ADAMTSL1: variants seen among roughly 807,000 people sequenced by gnomAD.
ADAMTSL1 encodes the protein ADAMTS-like protein 1.
Under a neutral mutation model 201.8 loss-of-function variants are expected in ADAMTSL1, and 126 were observed. The observed-to-expected ratio is 0.62, with a 90% CI of 0.54 to 0.72. The LOEUF is 0.72. ADAMTSL1 is among the 30% of genes least tolerant of loss of function. ADAMTSL1 has a pLI of 0.00. For synonymous variants in ADAMTSL1, 1,121 were observed against 903.4 expected, an observed-to-expected ratio of 1.24 and a Z score of -4.32; for missense variants, 2,679 against 2,277.8, an observed-to-expected ratio of 1.18 and a Z score of -3.59.
At chr9:18,606,752 C>G (rs1391392687) in intron 4 of ADAMTSL1, among the ~76,000 whole-genome samples, 1 of 152,170 alleles carries the variant, frequency 6.6e-6, no homozygotes, top group Non-Finnish European at 1.5e-5. Context: ...TTCATAAACA[C>G]CACAATTCCT....
At chr9:18,190,712 T>C (rs530728463) in intron 2 of ADAMTSL1, among the ~76,000 whole-genome samples, 1 of 152,342 alleles carries the variant, frequency 6.6e-6, no homozygotes, top group South Asian at 2.1e-4. Flanking sequence ...TATTGCATAT[T>C]AATTTTTAAG....
intron 1 of ADAMTSL1, among the ~76,000 whole-genome samples, chr9:18,103,631 A>T (rs142257128): frequency 2.6e-4 from 39 of 152,348 alleles, no homozygotes; most frequent in African/African-American, 9.1e-4. Flanking sequence ...CTTACTAGCT[A>T]TAAAGTATCT....
intron 15 of ADAMTSL1, among the ~76,000 whole-genome samples, chr9:18,750,130 C>T (rs868630712): frequency 1.2e-4 from 19 of 152,176 alleles, no homozygotes; most frequent in African/African-American, 4.1e-4. Context: ...TAGTATTTCC[C>T]TTGAGTGGAA....
intron 2 of ADAMTSL1, among the ~76,000 whole-genome samples, chr9:18,531,178 A>G (rs1265235420): frequency 6.6e-6 from 1 of 152,124 alleles, no homozygotes; most frequent in African/African-American, 2.4e-5. Flanking sequence ...AAATAACAGA[A>G]CTGTCCATCA....
At chr9:18,748,206 A>C (rs1819255474) in intron 15 of ADAMTSL1, among the ~76,000 whole-genome samples, 1 of 152,192 alleles carries the variant, frequency 6.6e-6, no homozygotes, top group African/African-American at 2.4e-5. Context: ...CAGCCTCCCA[A>C]ATATTTTGGC....
chr9:18,145,228 G>C (rs918195474), intron 1 of ADAMTSL1, among the ~76,000 whole-genome samples: 2 of 152,166 alleles, frequency 1.3e-5, no homozygotes, highest in African/African-American at 2.4e-5. Flanking sequence ...AGTAACAAAA[G>C]AGTTGAGCGT....
At chr9:18,524,089 C>T (rs1412190476) in intron 2 of ADAMTSL1, among the ~76,000 whole-genome samples, 1 of 151,004 alleles carries the variant, frequency 6.6e-6, no homozygotes, top group African/African-American at 2.4e-5. Flanking sequence ...GAATGTTCTT[C>T]CATTTGTTTG....
upstream of ADAMTSL1, among the ~76,000 whole-genome samples, chr9:18,470,158 T>C (rs958616553): frequency 5.9e-5 from 9 of 152,202 alleles, no homozygotes; most frequent in Admixed American, 5.9e-4. Flanking sequence ...ATAACTTTGA[T>C]GAACCCATTT....
At chr9:18,458,481 A>G (rs994940683) in intron 2 of ADAMTSL1, among the ~76,000 whole-genome samples, 1 of 152,214 alleles carries the variant, frequency 6.6e-6, no homozygotes, top group Non-Finnish European at 1.5e-5. Flanking sequence ...AAAACAGCTA[A>G]TGTGAGATCT....
intron 2 of ADAMTSL1, among the ~76,000 whole-genome samples, chr9:18,170,653 A>G (rs1174526682): frequency 6.6e-6 from 1 of 152,088 alleles, no homozygotes; most frequent in Non-Finnish European, 1.5e-5. Context: ...AGAAAAGAGG[A>G]AAGAGAAAGA....
At chr9:18,092,807 T>G (rs932923885) in intron 1 of ADAMTSL1, among the ~76,000 whole-genome samples, 1 of 152,258 alleles carries the variant, frequency 6.6e-6, no homozygotes, top group Non-Finnish European at 1.5e-5. Context: ...TTCAAACTGT[T>G]TCTTTAGAGC....
chr9:18,052,742 C>G (rs1466253590), intron 1 of ADAMTSL1, among the ~76,000 whole-genome samples: 1 of 151,912 alleles, frequency 6.6e-6, no homozygotes, highest in Non-Finnish European at 1.5e-5. Context: ...TTTTAGGAGT[C>G]TTTTTAATGT....
intron 1 of ADAMTSL1, among the ~76,000 whole-genome samples, chr9:17,935,857 C>T (rs563923076): frequency 6.6e-6 from 1 of 152,256 alleles, no homozygotes; most frequent in South Asian, 2.1e-4. Context: ...TGCAGGTGAT[C>T]CTATTAAACA....
chr9:18,025,743 T>C (rs1820666825), intron 1 of ADAMTSL1, among the ~76,000 whole-genome samples: 1 of 152,270 alleles, frequency 6.6e-6, no homozygotes, highest in South Asian at 2.1e-4. Context: ...GGTCTCTTTT[T>C]TTGGTTCCAT....
At chr9:18,538,666 AC>A in intron 3 of ADAMTSL1, among the ~76,000 whole-genome samples, 1 of 152,328 alleles carries the variant, frequency 6.6e-6, no homozygotes, top group African/African-American at 2.4e-5. Flanking sequence ...TGTACAATTG[AC>A]CATCCATCTT....
At chr9:18,788,459 T>C (rs570030749) in intron 19 of ADAMTSL1, among the ~76,000 whole-genome samples, 1 of 145,836 alleles carries the variant, frequency 6.9e-6, no homozygotes, top group Admixed American at 6.9e-5. Flanking sequence ...TCCTGGATGC[T>C]GTCAGTTTAA....
chr9:18,287,390 T>C (rs1172495456), intron 2 of ADAMTSL1, among the ~76,000 whole-genome samples: 4 of 151,976 alleles, frequency 2.6e-5, no homozygotes, highest in African/African-American at 7.3e-5. Flanking sequence ...TATATGTGTG[T>C]ATATATGCAC....
rs1999488 is a variant in ADAMTSL1, at chr9:18,652,412, T to C, written c.835-5227T>C. On this transcript the variant is annotated intron_variant, in intron 7 of 28. Coordinates refer to ENST00000380548, the MANE Select transcript of ADAMTSL1 (RefSeq NM_001040272.6). The stretch of plus-strand genomic sequence containing the variant: ...AAAAAAAAGAAAGCCTTTGTGATAC[T>C]GGGCAGCCTGTAAATCTTGGGTAGG... 4.6e-3 allele frequency among the ~76,000 whole-genome samples: 696 copies of C among 150,922 alleles called. 5 individuals are homozygous for C. The highest frequency in any genetic ancestry group is 0.016 in the African/African-American group (673 of 41,138).
rs139937490 is a variant in ADAMTSL1, at chr9:18,414,608, T to C, written c.208-90221T>C. 3.5e-4 allele frequency among the ~76,000 whole-genome samples: 54 copies of C among 152,290 alleles called. 1 individual carries two copies. In the East Asian group the frequency reaches 9.6e-3, roughly 27 times the overall value. On this transcript the variant is annotated intron_variant, in intron 2 of 29. Coordinates refer to the ADAMTSL1 transcript ENST00000680146. The stretch of plus-strand genomic sequence containing the variant: ...CTGCAATTGCTCTAACTTACTTCCT[T>C]GAGAGAGTTTTCAGGCTGTGGCTCA...
Sources: gnomAD v4.1 joint callset for allele counts (sites outside exome capture counted in the v4.1 genomes callset) on GRCh38, gnomAD v4.1.1 for gene constraint, MANE v1.5 for transcripts, NCBI Gene and HGNC (gene_info 2026-07-23, HGNC 2026-07-21) for gene names.